SUPT3H: variants seen among roughly 807,000 people sequenced by gnomAD.
The protein encoded by SUPT3H is transcription initiation protein SPT3 homolog.
Under a neutral mutation model 44.3 loss-of-function variants are expected in SUPT3H, and 44 were observed. That is an observed-to-expected ratio of 0.99 (90% CI 0.78 to 1.28). The LOEUF (loss-of-function observed/expected upper bound fraction) is 1.28, where lower values mean the gene tolerates loss of function less well. Ranked by LOEUF, SUPT3H falls within the 50% of genes most tolerant of loss-of-function variation. The pLI is 0.00. For missense variants in SUPT3H, 380 were observed against 387.1 expected, an observed-to-expected ratio of 0.98 and a Z score of 0.15; for synonymous variants, 124 against 125.6, an observed-to-expected ratio of 0.99 and a Z score of 0.09.
intron 3 of SUPT3H, among the ~76,000 whole-genome samples, chr6:45,073,018 G>A (rs1445010017): frequency 6.6e-6 from 1 of 152,068 alleles, no homozygotes; most frequent in Non-Finnish European, 1.5e-5. Context: ...GTTTTCTGAT[G>A]TTTATTTGCC....
At chr6:45,323,532 T>C (rs1246896039) in intron 2 of SUPT3H, among the ~76,000 whole-genome samples, 2 of 152,042 alleles carry the variant, frequency 1.3e-5, no homozygotes, top group African/African-American at 2.4e-5. Flanking sequence ...AAAAGAAATA[T>C]GCCTCAGTGG....
chr6:44,995,049 C>T (rs982168834), intron 6 of SUPT3H, among the ~76,000 whole-genome samples: 2 of 151,800 alleles, frequency 1.3e-5, no homozygotes, highest in Non-Finnish European at 2.9e-5. Flanking sequence ...GGGTTATAGT[C>T]CCCTACTCTT....
At chr6:44,844,719 T>C (rs1270129722) in intron 10 of SUPT3H, among the ~76,000 whole-genome samples, 3 of 152,162 alleles carry the variant, frequency 2.0e-5, no homozygotes, top group Non-Finnish European at 4.4e-5. Context: ...ACATCAGTGA[T>C]TGACAGAGCT....
rs928497665 is a variant in SUPT3H at position 45,311,202 on chromosome 6, G to A, written c.101+53999C>T. On this transcript the variant is annotated intron_variant, in intron 2 of 10. Coordinates refer to ENST00000371459, the MANE Select transcript of SUPT3H (RefSeq NM_003599.4). ...TTGAGAGCTCAAAGACAAGGTCTTCGAACTAACCCAATCCAACAAAGAAAA... is the reference window on the plus strand; with the variant it reads ...TTGAGAGCTCAAAGACAAGGTCTTCAAACTAACCCAATCCAACAAAGAAAA... Among the ~76,000 whole-genome samples, 7 of 152,212 alleles carry A rather than the reference G, an allele frequency of 4.6e-5. No homozygotes were observed. In the East Asian group the frequency reaches 9.7e-4, roughly 21 times the overall value.
At chr6:45,040,932 TC>T (rs1788435645) in intron 3 of SUPT3H, among the ~76,000 whole-genome samples, 1 of 152,218 alleles carries the variant, frequency 6.6e-6, no homozygotes, top group Non-Finnish European at 1.5e-5. Flanking sequence ...ATTTATTTTT[TC>T]CATTTCAAAA....
intron 9 of SUPT3H, 31 bp from the exon 10 acceptor site, chr6:44,932,794 A>G: frequency 6.8e-7 from 1 of 1,467,630 alleles, no homozygotes; most frequent in Non-Finnish European, 9.3e-7. Context: ...AATTGTTACT[A>G]AATCAAAAAC....
chr6:45,174,490 GCAGGTTAAGAAT>G (rs1300007566), intron 2 of SUPT3H, among the ~76,000 whole-genome samples: 32 of 152,242 alleles, frequency 2.1e-4, no homozygotes, highest in African/African-American at 3.4e-4. Flanking sequence ...AGACCATGCG[GCAGGTTAAGAAT>G]CATTGAGCAT....
At chr6:45,020,761 T>A (rs566594537) in intron 3 of SUPT3H, 129 bp from the exon 4 acceptor site, 50 of 554,116 alleles carry the variant, frequency 9.0e-5, no homozygotes, top group South Asian at 5.6e-4. Context: ...GCAATCACAT[T>A]ACTGCTTTTA....
chr6:45,295,533 A>AC (rs1781018747), intron 2 of SUPT3H, among the ~76,000 whole-genome samples: 2 of 145,468 alleles, frequency 1.4e-5, no homozygotes, highest in South Asian at 4.4e-4. Context: ...GCAAAAAAAA[A>AC]AAAAAAAAAA....
chr6:45,307,272 G>T (rs977778778), intron 2 of SUPT3H, among the ~76,000 whole-genome samples: 1 of 152,160 alleles, frequency 6.6e-6, no homozygotes, highest in African/African-American at 2.4e-5. Context: ...AGAGAGTAGG[G>T]GTTCTCCCAG....
intron 2 of SUPT3H, among the ~76,000 whole-genome samples, chr6:45,207,018 G>A (rs997744351): frequency 3.3e-5 from 5 of 152,098 alleles, no homozygotes; most frequent in Non-Finnish European, 5.9e-5. Flanking sequence ...GAAAACCACA[G>A]GACTGGATGA....
Position 45,328,647 on chromosome 6 carries a change from G to T in SUPT3H, c.101+36554C>A, listed in dbSNP as rs768238770. On this transcript the variant is annotated intron_variant, in intron 2 of 10. Transcript: ENST00000371459. ...AAAACTAAAACAAGGTTTGGGTATG[G>T]TTTGTATTTTCAGTTTAAGGCTGCA... 47 of 1,610,382 alleles carry T rather than the reference G, an allele frequency of 2.9e-5. No homozygotes were observed. In the South Asian group the frequency reaches 5.1e-4, roughly 17 times the overall value.
At position 45,014,850 on chromosome 6, in the gene SUPT3H, G is replaced by A; in HGVS notation, c.315C>T (p.Asp105=). 6.3e-7 allele frequency: 1 copy of A among 1,593,012 alleles called. No individual in the cohort carries two copies. Among genetic ancestry groups the A allele is most frequent in the Non-Finnish European group, 8.5e-7 (1 of 1,171,258 alleles). The part of the protein sequence containing the change: ...RRLLKYMFIR[D]YKSKIVKGID... ...TGCCTTTGACAATCTTTGATTTGTA[G>A]TCTCGGATAAACATGTATTTTAGCA... Residue 105 remains aspartate, a synonymous_variant, in exon 5 of 11, where the codon GAC becomes GAT. Transcript: ENST00000371459.
chr6:45,158,233 T>C (rs1251751860), intron 2 of SUPT3H, among the ~76,000 whole-genome samples: 8 of 130,674 alleles, frequency 6.1e-5, no homozygotes, highest in African/African-American at 2.4e-4. Flanking sequence ...GATAGATAGA[T>C]AGATAGATAG....
At chr6:45,217,301 C>A (rs906196119) in intron 2 of SUPT3H, among the ~76,000 whole-genome samples, 5 of 151,246 alleles carry the variant, frequency 3.3e-5, no homozygotes, top group African/African-American at 1.2e-4. Context: ...ATGATGAAAC[C>A]CCATCTCTAC....
At chr6:45,045,439 G>A (rs1789231557) in intron 3 of SUPT3H, among the ~76,000 whole-genome samples, 1 of 152,100 alleles carries the variant, frequency 6.6e-6, no homozygotes, top group Non-Finnish European at 1.5e-5. Context: ...AGTTGTAAAT[G>A]CAGATCTGCT....
chr6:44,892,404 C>G (rs9367209), intron 10 of SUPT3H, among the ~76,000 whole-genome samples: 4 of 152,046 alleles, frequency 2.6e-5, no homozygotes, highest in Non-Finnish European at 4.4e-5. Flanking sequence ...GAAGAGGGTC[C>G]GTACCAGGAA....
At chr6:45,347,853 T>A (rs1791205411) in intron 2 of SUPT3H, among the ~76,000 whole-genome samples, 1 of 152,110 alleles carries the variant, frequency 6.6e-6, no homozygotes, top group Non-Finnish European at 1.5e-5. Context: ...TTACTATTTT[T>A]AAAAAATACT....
At chr6:44,837,679 A>G (rs376415123) in intron 10 of SUPT3H, among the ~76,000 whole-genome samples, 2 of 152,234 alleles carry the variant, frequency 1.3e-5, no homozygotes, top group African/African-American at 2.4e-5. Flanking sequence ...TTATGCATCA[A>G]TCAAGCCAAT....
Sources: gnomAD v4.1 joint callset for allele counts (sites outside exome capture counted in the v4.1 genomes callset) on GRCh38, gnomAD v4.1.1 for gene constraint, MANE v1.5 for transcripts, NCBI Gene and HGNC (gene_info 2026-07-23, HGNC 2026-07-21) for gene names.